CROCC2: variants seen among roughly 807,000 people sequenced by gnomAD.
CROCC2 encodes ciliary rootlet coiled-coil, rootletin family member 2, also known as ciliary rootlet coiled-coil protein 2.
In CROCC2, 163 loss-of-function variants were observed where a neutral mutation model predicts 177.6. That is an observed-to-expected ratio of 0.92 (90% CI 0.81 to 1.05). The LOEUF is 1.05. Ranked by LOEUF, CROCC2 falls within the 50% of genes least tolerant of loss-of-function variation. The probability of loss-of-function intolerance (pLI) is 0.00; values close to 1 mark genes in which losing one functional copy is unlikely to be tolerated. For synonymous variants in CROCC2, 904 were observed against 787.3 expected, an observed-to-expected ratio of 1.15 and a Z score of -2.48; for missense variants, 1,929 against 1,797.8, an observed-to-expected ratio of 1.07 and a Z score of -1.32.
chr2:240,970,883 G>A (rs2059715716), intron 27 of CROCC2, among the ~76,000 whole-genome samples: 1 of 152,170 alleles, frequency 6.6e-6, no homozygotes, highest in Non-Finnish European at 1.5e-5. Context: ...TGGTGTGACT[G>A]GCGTCTCCCC....
intron 1 of CROCC2, among the ~76,000 whole-genome samples, chr2:240,914,275 C>T (rs1232849333): frequency 6.6e-6 from 1 of 152,210 alleles, no homozygotes; most frequent in Non-Finnish European, 1.5e-5. Flanking sequence ...GAGCAAGTCT[C>T]AGAGGTGCCA....
At chr2:240,914,793 G>A (rs2059309508) in intron 1 of CROCC2, among the ~76,000 whole-genome samples, 1 of 152,178 alleles carries the variant, frequency 6.6e-6, no homozygotes, top group South Asian at 2.1e-4. Context: ...CGGGGTGGTG[G>A]GGCTGCTGAG....
intron 14 of CROCC2, among the ~76,000 whole-genome samples, chr2:240,940,097 T>A (rs928447950): frequency 2.0e-5 from 3 of 152,132 alleles, no homozygotes; most frequent in African/African-American, 7.2e-5. Context: ...TGTTGATTTA[T>A]TTCTTTGATT....
Position 240,965,440 on chromosome 2 carries a change from G to A in CROCC2, c.3525G>A (p.Ala1175=), listed in dbSNP as rs960259049. The A allele has an allele frequency of 9.0e-6, 14 of 1,549,880 alleles. No individual in the cohort carries two copies. Among genetic ancestry groups the A allele is most frequent in the East Asian group, 4.9e-5 (2 of 40,922 alleles). ...RRSGEAHELQ[A]QCSQEVLELR... Reference sequence around the variant, plus strand: ...GTGGAGAGGCCCATGAGCTGCAGGCGCAGTGCTCGCAGGAGGTGCTGGAGC... The same window carrying A: ...GTGGAGAGGCCCATGAGCTGCAGGCACAGTGCTCGCAGGAGGTGCTGGAGC... Residue 1175 remains alanine (A), a synonymous_variant, in exon 23 of 32, where the codon GCG becomes GCA. Transcript: ENST00000690015.
chr2:240,928,420 T>TTG (rs58145871), intron 5 of CROCC2, among the ~76,000 whole-genome samples: 3,216 of 147,458 alleles, frequency 0.022, 37 homozygotes, highest in South Asian at 0.04. Context: ...TGTGCCTGTT[T>TTG]TGTGTGTGTG....
chr2:240,952,777 G>A (rs1342207744), intron 18 of CROCC2, among the ~76,000 whole-genome samples: 2 of 152,230 alleles, frequency 1.3e-5, no homozygotes, highest in Non-Finnish European at 2.9e-5. Flanking sequence ...TTCTTGAGCA[G>A]GCGTGATATG....
At chr2:240,975,792 C>T (rs561008260) in intron 27 of CROCC2, among the ~76,000 whole-genome samples, 3 of 144,528 alleles carry the variant, frequency 2.1e-5, no homozygotes, top group South Asian at 4.4e-4. Context: ...TGCAGTGGCA[C>T]GGTCTTGGTT....
At chr2:240,991,316 CT>C in intron 31 of CROCC2, 38 bp downstream of exon 31, 1 of 1,525,230 alleles carries the variant, frequency 6.6e-7, no homozygotes, top group Non-Finnish European at 8.9e-7. Flanking sequence ...GCCTAGCTGC[CT>C]TCAGCCCTGA....
At chr2:240,936,968 G>T (rs1027179520) in intron 14 of CROCC2, among the ~76,000 whole-genome samples, 1 of 152,186 alleles carries the variant, frequency 6.6e-6, no homozygotes, top group Non-Finnish European at 1.5e-5. Flanking sequence ...TGTACAAGTC[G>T]CATACATATA....
intron 2 of CROCC2, among the ~76,000 whole-genome samples, chr2:240,919,602 C>T (rs750165161): frequency 2.0e-5 from 3 of 152,154 alleles, no homozygotes; most frequent in Admixed American, 6.5e-5. Context: ...TACAAAAGCA[C>T]CTTATTACTC....
rs1479696508 is a variant in CROCC2, at chr2:240,993,088, C to T, written c.*7C>T. The T allele has an allele frequency of 4.2e-6, 3 of 716,940 alleles. No individual in the cohort carries two copies. The highest frequency in any genetic ancestry group is 4.0e-5 in the Admixed American group (2 of 49,984). The allele number at this position is 716,940 out of a possible 1,614,324, so 44.4% of individuals were successfully genotyped here. A position where few individuals can be genotyped will look rare whatever the true frequency, so the allele number is the denominator to read the frequency against. ...CAGCGCCCAAAGGGACTGAAGCTCC[C>T]AGCACAGGGGAGGCGCCCAGCGTGG... is the stretch of plus-strand genomic sequence containing the variant. On this transcript the variant is annotated 3_prime_UTR_variant, in exon 32 of 32. Coordinates refer to ENST00000690015, the MANE Select transcript of CROCC2 (RefSeq NM_001351305.2).
chr2:240,972,583 A>G lies in CROCC2; in HGVS notation c.4401+4321A>G, dbSNP rs11897406. On this transcript the variant is annotated intron_variant, in intron 27 of 31. Coordinates refer to ENST00000690015, the MANE Select transcript of CROCC2 (RefSeq NM_001351305.2). This position sits in a 1 kb window ranked among gnomAD's most constrained non-coding sequence, Gnocchi z 7.1. Reference sequence around the variant, plus strand: ...GGGGGTCCAACTTTGGGTCTCCACAATGAGTGCAGAGGACGTCTCTGACAT... The same window carrying G: ...GGGGGTCCAACTTTGGGTCTCCACAGTGAGTGCAGAGGACGTCTCTGACAT... Among the ~76,000 whole-genome samples, 8,022 of 151,676 alleles carry G rather than the reference A, an allele frequency of 0.053. 683 individuals are homozygous for G. Among genetic ancestry groups the G allele is most frequent in the African/African-American group, 0.18 (7,515 of 41,360 alleles).
At chr2:240,947,539 C>A (rs146455582) in intron 15 of CROCC2, among the ~76,000 whole-genome samples, 12 of 152,226 alleles carry the variant, frequency 7.9e-5, no homozygotes, top group African/African-American at 2.9e-4. Flanking sequence ...CCTGAAGCCA[C>A]GTCTGCCCGG....
Position 240,965,737 on chromosome 2 carries a change from G to C in CROCC2, c.3705G>C (p.Gln1235His). ...TCCGTGAGAGCCGGGGGGCTGAGCA[G>C]ACCCTCCGAGCAGAGCTGCACAGTG... ...EHLRESRGAE[Q>H]TLRAELHSVT... Residue 1235 changes from glutamine to histidine, a missense_variant, in exon 24 of 32, where the codon CAG becomes CAC. By Grantham distance (24) the Gln-to-His change is conservative (BLOSUM62 0). Around this residue, in one of 3 missense-constraint regions of CROCC2, gnomAD observed 144 missense variants for 205.2 expected, o/e 0.70. Coordinates refer to ENST00000690015, the MANE Select transcript of CROCC2 (RefSeq NM_001351305.2). 1 of 1,541,462 alleles carries C rather than the reference G, an allele frequency of 6.5e-7. No individual in the cohort carries two copies. Among genetic ancestry groups the C allele is most frequent in the African/African-American group, 1.4e-5 (1 of 73,064 alleles).
chr2:240,946,006 A>C, intron 14 of CROCC2, 54 bp from the exon 15 acceptor site: 2 of 1,377,190 alleles, frequency 1.5e-6, no homozygotes, highest in Non-Finnish European at 1.9e-6. Context: ...GCCCATGCTC[A>C]CCCACCCACT....
chr2:240,949,753 C>T lies in CROCC2; in HGVS notation c.2652+51C>T, dbSNP rs990173700. ...AGCTTCCTAGAAGGCTACCAGGTCC[C>T]GGGGAATGGCAGGCCCTTGGGAGGA... On this transcript the variant is annotated intron_variant, in intron 17 of 31. Transcript: ENST00000690015. The surrounding 1 kb of genome is among the most constrained non-coding windows in gnomAD (Gnocchi z 4.5). The T allele has an allele frequency of 1.1e-5, 17 of 1,493,724 alleles. No homozygotes were observed. The highest frequency in any genetic ancestry group is 3.8e-5 in the South Asian group (3 of 79,006). The allele number at this position is 1,493,724 out of a possible 1,614,324, so 92.5% of individuals were successfully genotyped here. A position where few individuals can be genotyped will look rare whatever the true frequency, so the allele number is the denominator to read the frequency against.
At chr2:240,931,163 G>A (rs1049786230) in intron 7 of CROCC2, 35 bp downstream of exon 7, 1 of 685,354 alleles carries the variant, frequency 1.5e-6, no homozygotes, top group Non-Finnish European at 2.7e-6. Flanking sequence ...TGCACAGGGA[G>A]GGCCCGGGGG....
At chr2:240,969,817 G>C (rs910582103) in intron 27 of CROCC2, among the ~76,000 whole-genome samples, 1 of 152,192 alleles carries the variant, frequency 6.6e-6, no homozygotes, top group Non-Finnish European at 1.5e-5. Flanking sequence ...AGCAACCTCC[G>C]CCTCCCAGGT....
chr2:240,917,434 C>T lies in CROCC2; in HGVS notation c.79-1292C>T, dbSNP rs1240394948. Among the ~76,000 whole-genome samples, 1 of 152,128 alleles carries T rather than the reference C, an allele frequency of 6.6e-6. No homozygotes were observed. Among genetic ancestry groups the T allele is most frequent in the Non-Finnish European group, 1.5e-5 (1 of 67,998 alleles). ...AGGAGGGTGGGGGAGCAGGGCACAG[C>T]CACCAGCCCAGGCCTGAGGTCAGAG... On this transcript the variant is annotated intron_variant, in intron 1 of 31. Transcript: ENST00000690015. This position sits in a 1 kb window ranked among gnomAD's most constrained non-coding sequence, Gnocchi z 4.9.
Sources: allele counts gnomAD v4.1 joint callset (sites outside exome capture counted in the v4.1 genomes callset), GRCh38; gene constraint gnomAD v4.1.1; regional missense constraint gnomAD v4.1.1; non-coding constraint Gnocchi (gnomAD v3.1); transcripts MANE v1.5; gene names NCBI Gene and HGNC (gene_info 2026-07-23, HGNC 2026-07-21).